The following HHLA2 variants were observed in gnomAD, a reference collection of about 807,000 sequenced individuals.
HHLA2 encodes the protein HERV-H LTR-associating protein 2.
In HHLA2, 48 loss-of-function variants were observed where a neutral mutation model predicts 45.9. The observed-to-expected ratio is 1.05, with a 90% CI of 0.83 to 1.33. The LOEUF is 1.33. HHLA2 is among the 40% of genes most tolerant of loss of function. The probability of loss-of-function intolerance (pLI) is 0.00; values close to 1 mark genes in which losing one functional copy is unlikely to be tolerated. For missense variants in HHLA2, 462 were observed against 494.3 expected, an observed-to-expected ratio of 0.93 and a Z score of 0.62; for synonymous variants, 161 against 173.9, an observed-to-expected ratio of 0.93 and a Z score of 0.59.
intron 7 of HHLA2, among the ~76,000 whole-genome samples, chr3:108,359,171 T>TTGGAG (rs2081947606): frequency 1.3e-5 from 2 of 151,972 alleles, no homozygotes; most frequent in African/African-American, 4.8e-5. Context: ...TGGATTAATT[T>TTGGAG]TGGAGTGTAA....
chr3:108,356,293 G>A (rs1354846908), intron 6 of HHLA2, among the ~76,000 whole-genome samples: 1 of 152,112 alleles, frequency 6.6e-6, no homozygotes, highest in African/African-American at 2.4e-5. Context: ...GCCTCCCAAA[G>A]TGCTAGGATT....
At chr3:108,355,822 G>A in intron 6 of HHLA2, among the ~76,000 whole-genome samples, 1 of 152,126 alleles carries the variant, frequency 6.6e-6, no homozygotes, top group South Asian at 2.1e-4. Flanking sequence ...ATATTAATGA[G>A]TATTATTGCT....
chr3:108,355,055 A>G, intron 5 of HHLA2, 60 bp from the exon 5 acceptor site: 1 of 1,512,498 alleles, frequency 6.6e-7, no homozygotes, highest in Middle Eastern at 1.8e-4. Flanking sequence ...TTCTGCACAG[A>G]CGGCCTATAA....
exon 7 of HHLA2, chr3:108,358,132 C>T (rs919329183): frequency 1.9e-6 from 3 of 1,611,348 alleles, no homozygotes; most frequent in Non-Finnish European, 2.5e-6. Flanking sequence ...GATGAATATA[C>T]TTTACTTACC....
At chr3:108,305,452 G>A (rs1158151464) in intron 1 of HHLA2, among the ~76,000 whole-genome samples, 1 of 152,158 alleles carries the variant, frequency 6.6e-6, no homozygotes, top group Admixed American at 6.5e-5. Context: ...AAAGAAGATG[G>A]GGGGATTCAT....
intron 2 of HHLA2, among the ~76,000 whole-genome samples, chr3:108,320,647 T>G (rs946005926): frequency 6.6e-6 from 1 of 152,138 alleles, no homozygotes; most frequent in Non-Finnish European, 1.5e-5. Flanking sequence ...AAATATTATA[T>G]AGATTTTTTA....
intron 2 of HHLA2, among the ~76,000 whole-genome samples, chr3:108,324,107 G>C (rs547667614): frequency 6.6e-6 from 1 of 152,282 alleles, no homozygotes; most frequent in East Asian, 1.9e-4. Flanking sequence ...ACAGGTTGGT[G>C]AATCTATTTA....
intron 2 of HHLA2, among the ~76,000 whole-genome samples, chr3:108,327,942 G>A (rs926204681): frequency 1.3e-5 from 2 of 152,112 alleles, no homozygotes; most frequent in African/African-American, 4.8e-5. Context: ...AGACCAGCCT[G>A]GCCAACGTGG....
intron 2 of HHLA2, among the ~76,000 whole-genome samples, chr3:108,321,783 T>C (rs979950644): frequency 5.9e-5 from 9 of 152,134 alleles, no homozygotes; most frequent in African/African-American, 1.9e-4. Flanking sequence ...AGTTGTCACC[T>C]GATTTTAAAA....
At chr3:108,312,870 T>C (rs551003461) in intron 2 of HHLA2, among the ~76,000 whole-genome samples, 2 of 152,094 alleles carry the variant, frequency 1.3e-5, no homozygotes, top group South Asian at 4.1e-4. Context: ...ATGGAGAAAA[T>C]CTGTTTAATC....
At chr3:108,307,120 C>T (rs1404558489) in intron 1 of HHLA2, among the ~76,000 whole-genome samples, 1 of 151,954 alleles carries the variant, frequency 6.6e-6, no homozygotes, top group African/African-American at 2.4e-5. Context: ...CTGTGCCCAG[C>T]CCTTTTTAAA....
At chr3:108,365,065 C>T (rs2082042465) in intron 8 of HHLA2, among the ~76,000 whole-genome samples, 1 of 152,256 alleles carries the variant, frequency 6.6e-6, no homozygotes, top group South Asian at 2.1e-4. Context: ...TCATGAAGTC[C>T]TTGTCCATGT....
intron 1 of HHLA2, among the ~76,000 whole-genome samples, chr3:108,309,624 T>C (rs1398985066): frequency 2.6e-5 from 4 of 152,160 alleles, no homozygotes; most frequent in Admixed American, 6.5e-5. Flanking sequence ...GTTTTTCTCA[T>C]TATTAGACTG....
intron 3 of HHLA2, among the ~76,000 whole-genome samples, chr3:108,342,006 C>A (rs1226184417): frequency 6.6e-6 from 1 of 152,190 alleles, no homozygotes. Flanking sequence ...GCTCTCACTT[C>A]CATCCCAAGC....
rs1367368343 is a variant in HHLA2, at chr3:108,376,368, T to C, written c.1160-125T>C. On this transcript the variant is annotated intron_variant, in intron 9 of 10. Coordinates refer to ENST00000619531, the Ensembl canonical transcript of HHLA2. ...CTGAATGCATTTTTCATGTTGTTTG[T>C]TAAAGATATGCAGGGAGAGTAACTC... 5 of 680,270 alleles carry C rather than the reference T, an allele frequency of 7.4e-6. No homozygotes were observed. The African/African-American group carries it at 9.1e-5, about 12-fold the overall frequency. 42.1% of individuals were successfully genotyped at this position (680,270 alleles called of 1,614,324 possible).
chr3:108,372,921 T>G (rs2082205707), intron 8 of HHLA2, among the ~76,000 whole-genome samples: 1 of 152,174 alleles, frequency 6.6e-6, no homozygotes, highest in East Asian at 1.9e-4. Flanking sequence ...CTGGTACCAT[T>G]CCTTCTGAAA....
chr3:108,341,072 G>A (rs9288867), intron 3 of HHLA2, among the ~76,000 whole-genome samples: 129,545 of 151,336 alleles, frequency 0.86, 56,897 homozygotes, highest in Non-Finnish European at 0.93. Context: ...TGTGCCTCAG[G>A]CTCCTGAGTA....
chr3:108,297,001 C>T (rs1323147501), intron 1 of HHLA2, among the ~76,000 whole-genome samples: 1 of 152,164 alleles, frequency 6.6e-6, no homozygotes, highest in East Asian at 1.9e-4. Context: ...CTCCAAGATG[C>T]ACTGCGTTCC....
chr3:108,375,582 A>T (rs919825158), intron 8 of HHLA2, among the ~76,000 whole-genome samples, 168 bp from the exon 8 acceptor site: 3 of 152,178 alleles, frequency 2.0e-5, no homozygotes, highest in African/African-American at 7.2e-5. Context: ...AAGACAAAAA[A>T]TAACTAAGAT....
Sources: allele counts gnomAD v4.1 joint callset (sites outside exome capture counted in the v4.1 genomes callset), GRCh38; gene constraint gnomAD v4.1.1; transcripts MANE v1.5; gene names NCBI Gene and HGNC (gene_info 2026-07-23, HGNC 2026-07-21).